The following DNAH8 variants were observed in gnomAD, a reference collection of about 807,000 sequenced individuals.
The protein encoded by DNAH8 is axonemal beta dynein heavy chain 8.
A neutral mutation model predicts 562.1 loss-of-function variants in DNAH8; 382 were observed. The ratio of observed to expected loss-of-function variants is 0.68; its 90% confidence interval spans 0.63 to 0.74. The LOEUF is 0.74. Ranked by LOEUF, DNAH8 falls within the 30% of genes least tolerant of loss-of-function variation. The pLI, the probability that DNAH8 is intolerant of heterozygous loss-of-function variation, is 0.00. For synonymous variants in DNAH8, 1,881 were observed against 1,919.4 expected, an observed-to-expected ratio of 0.98 and a Z score of 0.52; for missense variants, 5,203 against 5,620.4, an observed-to-expected ratio of 0.93 and a Z score of 2.37.
At chr6:38,799,842 C>G (rs1770617321) in intron 21 of DNAH8, among the ~76,000 whole-genome samples, 1 of 152,196 alleles carries the variant, frequency 6.6e-6, no homozygotes, top group African/African-American at 2.4e-5. Context: ...ACATTTCATA[C>G]AAATGGAATC....
intron 91 of DNAH8, among the ~76,000 whole-genome samples, chr6:39,021,982 G>C (rs1766944769): frequency 2.0e-5 from 3 of 152,196 alleles, no homozygotes; most frequent in South Asian, 4.1e-4. Flanking sequence ...TCAAACAACA[G>C]CCGTGAGTGT....
intron 61 of DNAH8, among the ~76,000 whole-genome samples, chr6:38,899,331 T>C (rs1779910022): frequency 6.6e-6 from 1 of 152,252 alleles, no homozygotes; most frequent in African/African-American, 2.4e-5. Context: ...GGCAGAGATA[T>C]GATAGAGTTA....
chr6:38,966,529 A>G, intron 82 of DNAH8, among the ~76,000 whole-genome samples: 1 of 152,190 alleles, frequency 6.6e-6, no homozygotes, highest in Admixed American at 6.5e-5. Flanking sequence ...GACATCACAC[A>G]TAGAAAAAAC....
At position 38,721,054 on chromosome 6, in the gene DNAH8, T is replaced by C. The variant is rs1294061601; in HGVS notation, c.-34-1722T>C. 3.3e-5 allele frequency among the ~76,000 whole-genome samples: 5 copies of C among 152,240 alleles called. 1 individual carries two copies. In the East Asian group the frequency reaches 9.6e-4, roughly 29 times the overall value. Reference sequence around the variant, plus strand: ...GAGACAAAAGGAAAAAGAATGAAGATGAACAAACTTATAGAAAATTACCTC... The same window carrying C: ...GAGACAAAAGGAAAAAGAATGAAGACGAACAAACTTATAGAAAATTACCTC... On this transcript the variant is annotated intron_variant, in intron 1 of 92. Transcript: ENST00000327475.
chr6:38,736,887 G>A (rs1764138255), intron 5 of DNAH8, among the ~76,000 whole-genome samples, 180 bp from the exon 6 acceptor site: 3 of 152,106 alleles, frequency 2.0e-5, no homozygotes, highest in African/African-American at 7.2e-5. Flanking sequence ...TAATTAAATT[G>A]GGGGCAGAAT....
chr6:38,971,352 C>T (rs1763334281), intron 82 of DNAH8, among the ~76,000 whole-genome samples: 1 of 152,120 alleles, frequency 6.6e-6, no homozygotes, highest in Non-Finnish European at 1.5e-5. Context: ...ACCATACGTG[C>T]CTTTTTCTCT....
chr6:38,999,829 C>T (rs920182748), intron 88 of DNAH8, among the ~76,000 whole-genome samples: 70 of 151,130 alleles, frequency 4.6e-4, no homozygotes, highest in African/African-American at 1.6e-3. Context: ...ATTGTATTGT[C>T]ATATTATATA....
intron 77 of DNAH8, 88 bp downstream of exon 77, chr6:38,935,785 GT>G: frequency 1.1e-6 from 1 of 942,968 alleles, no homozygotes; most frequent in Non-Finnish European, 1.6e-6. Context: ...GACTATAGAT[GT>G]TAGGAAATAC....
At chr6:38,839,823 C>T (rs976498343) in intron 33 of DNAH8, among the ~76,000 whole-genome samples, 3 of 152,040 alleles carry the variant, frequency 2.0e-5, no homozygotes, top group South Asian at 2.1e-4. Flanking sequence ...CCACCATGCC[C>T]GGCTAATTTT....
Position 38,904,196 on chromosome 6 carries a change from T to G in DNAH8, c.9195-2058T>G, listed in dbSNP as rs1468345030. On this transcript the variant is annotated intron_variant, in intron 62 of 92. Transcript: ENST00000327475. Reference sequence around the variant, plus strand: ...AAGTGAGAATTTAGTTCAGTACATTTGAGTCTGAGGTGTCTGCAGAACACA... The same window carrying G: ...AAGTGAGAATTTAGTTCAGTACATTGGAGTCTGAGGTGTCTGCAGAACACA... Among the ~76,000 whole-genome samples the G allele has an allele frequency of 2.6e-5, 4 of 152,212 alleles. No homozygotes were observed. The South Asian group carries it at 8.3e-4, about 32-fold the overall frequency.
chr6:38,897,815 A>G (rs1199344690), intron 60 of DNAH8, among the ~76,000 whole-genome samples: 1 of 152,160 alleles, frequency 6.6e-6, no homozygotes, highest in Non-Finnish European at 1.5e-5. Flanking sequence ...ATGCAGATCA[A>G]AGAATTAGAT....
intron 53 of DNAH8, among the ~76,000 whole-genome samples, chr6:38,879,299 AC>A (rs1462846564): frequency 8.3e-6 from 1 of 119,862 alleles, no homozygotes; most frequent in African/African-American, 2.9e-5. Flanking sequence ...CAAGAAAAAA[AC>A]AAAAACAAAA....
Position 39,022,434 on chromosome 6 carries a change from T to C in DNAH8, c.13715-4112T>C, listed in dbSNP as rs539513833. Among the ~76,000 whole-genome samples, 290 of 152,266 alleles carry C rather than the reference T, an allele frequency of 1.9e-3. 1 individual carries two copies. The highest frequency in any genetic ancestry group is 6.6e-3 in the African/African-American group (273 of 41,544). ...GATATCAGCCTATAACCAAAGGAGC[T>C]GGGGGGTCCAGGCTTGGTGACCAAC... On this transcript the variant is annotated intron_variant, in intron 91 of 92. Transcript: ENST00000327475.
At chr6:38,717,627 A>ATTT (rs34952417) in intron 1 of DNAH8, among the ~76,000 whole-genome samples, 1 of 143,048 alleles carries the variant, frequency 7.0e-6, no homozygotes, top group Non-Finnish European at 1.5e-5. Flanking sequence ...TGTACACATG[A>ATTT]TTTTTTTTTT....
intron 83 of DNAH8, among the ~76,000 whole-genome samples, chr6:38,973,295 G>C (rs1214221960): frequency 6.6e-6 from 1 of 152,088 alleles, no homozygotes; most frequent in Non-Finnish European, 1.5e-5. Context: ...TGGGTTTTGG[G>C]GGTGAGTCAG....
chr6:38,893,840 C>T (rs1779501619), intron 58 of DNAH8, among the ~76,000 whole-genome samples: 1 of 152,110 alleles, frequency 6.6e-6, no homozygotes, highest in Non-Finnish European at 1.5e-5. Context: ...GTTTGTATCA[C>T]CAGAATTATC....
chr6:38,823,830 A>C, intron 28 of DNAH8, 142 bp downstream of exon 28: 3 of 466,676 alleles, frequency 6.4e-6, no homozygotes, highest in Non-Finnish European at 1.1e-5. Flanking sequence ...GGTTATAATA[A>C]TAGTATTATA....
intron 29 of DNAH8, among the ~76,000 whole-genome samples, 154 bp from the exon 30 acceptor site, chr6:38,828,030 A>C (rs958439848): frequency 7.2e-5 from 11 of 152,212 alleles, no homozygotes; most frequent in African/African-American, 2.6e-4. Context: ...TCAGAATCTA[A>C]AGGTGCTTTT....
At chr6:39,026,465 A>C in intron 91 of DNAH8, 81 bp from the exon 92 acceptor site, 1 of 1,396,330 alleles carries the variant, frequency 7.2e-7, no homozygotes, top group Non-Finnish European at 9.8e-7. Flanking sequence ...TTGATAAGCA[A>C]GTAACACTTA....
Sources: allele counts gnomAD v4.1 joint callset (sites outside exome capture counted in the v4.1 genomes callset), GRCh38; gene constraint gnomAD v4.1.1; transcripts MANE v1.5; gene names NCBI Gene and HGNC (gene_info 2026-07-23, HGNC 2026-07-21).